Variants in CD44 observed in about 807,000 individuals in gnomAD.
CD44 encodes CD44 antigen.
A neutral mutation model predicts 88.8 loss-of-function variants in CD44; 49 were observed. The ratio of observed to expected loss-of-function variants is 0.55; its 90% confidence interval spans 0.44 to 0.70. The LOEUF is 0.70. Ranked by LOEUF, CD44 falls within the 30% of genes least tolerant of loss-of-function variation. The pLI, the probability that CD44 is intolerant of heterozygous loss-of-function variation, is 0.00. For synonymous variants in CD44, 325 were observed against 312.3 expected, an observed-to-expected ratio of 1.04 and a Z score of -0.43; for missense variants, 883 against 913.8, an observed-to-expected ratio of 0.97 and a Z score of 0.43.
rs145791145 is a variant in CD44, at chr11:35,167,635, G to A, written c.68-8940G>A. 4.1e-4 allele frequency among the ~76,000 whole-genome samples: 63 copies of A among 152,352 alleles called. 1 individual carries two copies. The highest frequency in any genetic ancestry group is 1.4e-3 in the African/African-American group (58 of 41,578). On this transcript the variant is annotated intron_variant, in intron 1 of 17. Transcript: ENST00000428726. ...CTTACCAGTGCTTCTGGCTGCCCAA[G>A]TGGTTTGTGTGTGGTTGACTCCCAG... is the stretch of plus-strand genomic sequence containing the variant.
chr11:35,209,198 CA>C (rs1948172194), intron 12 of CD44, among the ~76,000 whole-genome samples: 1 of 151,658 alleles, frequency 6.6e-6, no homozygotes, highest in African/African-American at 2.4e-5. Context: ...CAACTCAGGT[CA>C]GTACCTTTCT....
chr11:35,176,479 T>G, intron 1 of CD44, 96 bp from the exon 2 acceptor site: 1 of 1,175,990 alleles, frequency 8.5e-7, no homozygotes, highest in Non-Finnish European at 1.2e-6. Flanking sequence ...CGCCCGGCCT[T>G]ATTTGACTTT....
At chr11:35,207,985 A>T in intron 11 of CD44, 120 bp from the exon 12 acceptor site, 2 of 654,156 alleles carry the variant, frequency 3.1e-6, no homozygotes, top group Non-Finnish European at 5.6e-6. Context: ...TATAGTCAGT[A>T]TGTGCTTTCT....
chr11:35,166,606 G>A (rs1365140025), intron 1 of CD44, among the ~76,000 whole-genome samples: 1 of 152,196 alleles, frequency 6.6e-6, no homozygotes, highest in Non-Finnish European at 1.5e-5. Context: ...CTCCATGTTG[G>A]TTCAGCGTTG....
chr11:35,209,038 A>G (rs1029706920), intron 12 of CD44, among the ~76,000 whole-genome samples: 5 of 152,246 alleles, frequency 3.3e-5, no homozygotes, highest in Non-Finnish European at 7.3e-5. Context: ...GGTCCTTGCC[A>G]AAGAAGGACT....
intron 1 of CD44, among the ~76,000 whole-genome samples, chr11:35,140,302 CTCTT>C: frequency 6.6e-6 from 1 of 152,348 alleles, no homozygotes; most frequent in Middle Eastern, 3.4e-3. Context: ...TCCAAGCATT[CTCTT>C]TCTTTGTCTA....
At chr11:35,199,802 G>A (rs1947114415) in intron 7 of CD44, among the ~76,000 whole-genome samples, 1 of 152,192 alleles carries the variant, frequency 6.6e-6, no homozygotes, top group African/African-American at 2.4e-5. Context: ...GCCCAGCTTT[G>A]CAGATGGGCC....
intron 11 of CD44, among the ~76,000 whole-genome samples, chr11:35,206,916 T>C (rs1947921430): frequency 6.6e-6 from 1 of 152,228 alleles, no homozygotes; most frequent in Admixed American, 6.5e-5. Context: ...GGCAAAGATC[T>C]TCAGAATCAA....
intron 16 of CD44, among the ~76,000 whole-genome samples, chr11:35,220,778 T>C (rs1949230165): frequency 6.6e-6 from 1 of 150,376 alleles, no homozygotes; most frequent in Admixed American, 6.6e-5. Flanking sequence ...TTTTTTTTTT[T>C]TTTTTTGAGA....
intron 1 of CD44, among the ~76,000 whole-genome samples, chr11:35,142,018 C>G (rs543159979): frequency 5.3e-5 from 8 of 152,182 alleles, no homozygotes; most frequent in Admixed American, 2.0e-4. Context: ...GAGAAATGGC[C>G]AAATGTAGTT....
Position 35,219,491 on chromosome 11 carries a change from C to G in CD44, c.1945+104C>G, listed in dbSNP as rs186041785. The G allele has an allele frequency of 9.0e-6, 7 of 774,376 alleles. No homozygotes were observed. The East Asian group carries it at 1.9e-4, about 21-fold the overall frequency. 48.0% of individuals were successfully genotyped at this position (774,376 alleles called of 1,614,324 possible). ...ATTTGAAAGCACATTCTCCACAATG[C>G]CCAACATATGAATCCAATTGCTCCT... On this transcript the variant is annotated intron_variant, in intron 16 of 17. Coordinates refer to ENST00000428726, the MANE Select transcript of CD44 (RefSeq NM_000610.4).
chr11:35,214,895 T>C lies in CD44; in HGVS notation c.1854T>C (p.Thr618=), dbSNP rs1274166818. 6.4e-7 allele frequency: 1 copy of C among 1,561,270 alleles called. No individual in the cohort carries two copies. Among genetic ancestry groups the C allele is most frequent in the Non-Finnish European group, 8.7e-7 (1 of 1,154,254 alleles). ...TFHPSGGSHT[T]HGSESDGHSH... ...ACCCCAGTGGGGGGTCCCATACCACTCATGGATCTGAATCAGATGGTGAGT... is the reference window on the plus strand; with the variant it reads ...ACCCCAGTGGGGGGTCCCATACCACCCATGGATCTGAATCAGATGGTGAGT... The change falls in exon 15 of 18, where the codon ACT becomes ACC. Residue 618 remains threonine, a synonymous_variant. Coordinates refer to ENST00000428726, the MANE Select transcript of CD44 (RefSeq NM_000610.4).
At chr11:35,171,767 A>G (rs1943923435) in intron 1 of CD44, among the ~76,000 whole-genome samples, 1 of 152,224 alleles carries the variant, frequency 6.6e-6, no homozygotes, top group Admixed American at 6.5e-5. Flanking sequence ...ATTTAATCAC[A>G]TCAATGCAAT....
At chr11:35,217,877 T>C (rs1286610885) in intron 15 of CD44, among the ~76,000 whole-genome samples, 1 of 152,242 alleles carries the variant, frequency 6.6e-6, no homozygotes, top group African/African-American at 2.4e-5. Context: ...TAAAAATTCA[T>C]GAAGCTTTCA....
rs1274825349 is a variant in CD44 at position 35,201,203 on chromosome 11, G to C, written c.1036+8G>C. The C allele has an allele frequency of 6.4e-6, 10 of 1,574,520 alleles. No individual in the cohort carries two copies. Among genetic ancestry groups the C allele is most frequent in the Non-Finnish European group, 8.7e-6 (10 of 1,143,980 alleles). ...CAACCACAAGGATGACTGGTAATGGGTTCTGCATATTTAATGAAAGATTTT... is the reference window on the plus strand; with the variant it reads ...CAACCACAAGGATGACTGGTAATGGCTTCTGCATATTTAATGAAAGATTTT... On this transcript the variant is annotated splice_region_variant and intron_variant, in intron 8 of 17. Coordinates refer to ENST00000428726, the MANE Select transcript of CD44 (RefSeq NM_000610.4).
rs1476830206 is a variant in CD44 at position 35,230,689 on chromosome 11, CAA to C, written c.*1357_*1358del. ...CCAGATAGGCAAGTTTATGACCAAA[CAA>C]GAGAGTACTGGCTTTATCCTCTAAC... On this transcript the variant is annotated 3_prime_UTR_variant, in exon 18 of 18. Coordinates refer to ENST00000428726, the MANE Select transcript of CD44 (RefSeq NM_000610.4). 1 of 152,204 alleles carries C rather than the reference CAA, an allele frequency of 6.6e-6. No homozygotes were observed. Among genetic ancestry groups the C allele is most frequent in the Non-Finnish European group, 1.5e-5 (1 of 68,026 alleles). 9.4% of individuals were successfully genotyped at this position (152,204 alleles called of 1,614,324 possible). A position where few individuals can be genotyped will look rare whatever the true frequency, so the allele number is the denominator to read the frequency against.
At chr11:35,163,364 G>A (rs978564726) in intron 1 of CD44, among the ~76,000 whole-genome samples, 1 of 152,004 alleles carries the variant, frequency 6.6e-6, no homozygotes. Context: ...GAGGCCACTA[G>A]GATTACAAGG....
At chr11:35,222,131 C>T (rs1404034756) in intron 17 of CD44, among the ~76,000 whole-genome samples, 1 of 152,168 alleles carries the variant, frequency 6.6e-6, no homozygotes, top group Non-Finnish European at 1.5e-5. Context: ...AAAGTATATA[C>T]TCATTCATTG....
At chr11:35,219,860 A>G (rs1264955035) in intron 16 of CD44, among the ~76,000 whole-genome samples, 1 of 147,524 alleles carries the variant, frequency 6.8e-6, no homozygotes, top group African/African-American at 2.5e-5. Flanking sequence ...TGGTTCCCCA[A>G]CTAATTTTTT....
Sources: allele counts gnomAD v4.1 joint callset (sites outside exome capture counted in the v4.1 genomes callset), GRCh38; gene constraint gnomAD v4.1.1; transcripts MANE v1.5; gene names NCBI Gene and HGNC (gene_info 2026-07-23, HGNC 2026-07-21).